The following RIC1 variants were observed in gnomAD, a reference collection of about 807,000 sequenced individuals.
RIC1 encodes the protein guanine nucleotide exchange factor subunit RIC1.
Under a neutral mutation model 169.0 loss-of-function variants are expected in RIC1, and 88 were observed. The observed-to-expected ratio is 0.52, with a 90% CI of 0.44 to 0.62. The LOEUF (loss-of-function observed/expected upper bound fraction) is 0.62. Ranked by LOEUF, RIC1 falls within the 20% of genes least tolerant of loss-of-function variation. RIC1 has a pLI of 0.00. For missense variants in RIC1, 1,877 were observed against 1,725.5 expected, an observed-to-expected ratio of 1.09 and a Z score of -1.56; for synonymous variants, 790 against 601.5, an observed-to-expected ratio of 1.31 and a Z score of -4.59.
intron 6 of RIC1, among the ~76,000 whole-genome samples, chr9:5,721,318 T>G (rs1823573427): frequency 6.6e-6 from 1 of 152,204 alleles, no homozygotes; most frequent in Non-Finnish European, 1.5e-5. Context: ...CAGGAAAGAT[T>G]AGGCATGCAG....
intron 2 of RIC1, among the ~76,000 whole-genome samples, chr9:5,681,414 C>T (rs1820832236): frequency 1.3e-5 from 2 of 150,936 alleles, no homozygotes; most frequent in Non-Finnish European, 3.0e-5. Context: ...CTTCATTTCG[C>T]AGGAGCAGGT....
intron 1 of RIC1, among the ~76,000 whole-genome samples, chr9:5,643,747 A>C (rs530951573): frequency 2.0e-5 from 3 of 152,338 alleles, no homozygotes; most frequent in East Asian, 3.9e-4. Flanking sequence ...CCTGCATTAA[A>C]GTGTTCCACC....
chr9:5,774,413 C>A lies in RIC1; in HGVS notation c.*167C>A. On this transcript the variant is annotated 3_prime_UTR_variant, in exon 26 of 26. Coordinates refer to ENST00000414202, the MANE Select transcript of RIC1 (RefSeq NM_020829.4). ...TCTTGTCTAAGAAATCTTTTTGACT[C>A]CATAAAAATGTGATATAAAGCATCT... 1 of 547,682 alleles carries A rather than the reference C, an allele frequency of 1.8e-6. No homozygotes were observed. The highest frequency in any genetic ancestry group is 3.0e-6 in the Non-Finnish European group (1 of 336,988). The allele number at this position is 547,682 out of a possible 1,614,324, so 33.9% of individuals were successfully genotyped here. A position where few individuals can be genotyped will look rare whatever the true frequency, so the allele number is the denominator to read the frequency against.
At chr9:5,736,386 A>C (rs919651308) in intron 7 of RIC1, among the ~76,000 whole-genome samples, 1 of 152,230 alleles carries the variant, frequency 6.6e-6, no homozygotes, top group Non-Finnish European at 1.5e-5. Context: ...CAGAACACAA[A>C]CATAAGGTAA....
intron 2 of RIC1, among the ~76,000 whole-genome samples, chr9:5,658,919 G>C (rs1209761138): frequency 6.7e-6 from 1 of 150,064 alleles, no homozygotes; most frequent in Non-Finnish European, 1.5e-5. Context: ...TTGGAAAATA[G>C]CTTTTGCTGT....
intron 1 of RIC1, among the ~76,000 whole-genome samples, chr9:5,655,410 C>T (rs141655273): frequency 0.013 from 2,028 of 152,204 alleles, 53 homozygotes; most frequent in African/African-American, 0.046. Flanking sequence ...AAGTGATTCT[C>T]CTGCCTCAGC....
intron 2 of RIC1, among the ~76,000 whole-genome samples, chr9:5,685,848 C>A (rs1419609418): frequency 3.7e-5 from 5 of 135,166 alleles, no homozygotes; most frequent in East Asian, 2.7e-4. Flanking sequence ...CAACCTACAA[C>A]ATGGGAGAAA....
intron 2 of RIC1, among the ~76,000 whole-genome samples, chr9:5,667,686 G>A (rs947571086): frequency 1.3e-5 from 2 of 151,852 alleles, no homozygotes; most frequent in Non-Finnish European, 2.9e-5. Flanking sequence ...TTTAATTTTT[G>A]TAGAGATGTG....
In RIC1 at chr9:5,743,740, A is replaced by G. The variant is rs1825213781; in HGVS notation, c.1095+3A>G. ...ATCCCCTTAAGATCAACTCTATGGT[A>G]AGTACTTTCTATAAAAAATTGGCAT... is the stretch of plus-strand genomic sequence containing the variant. On this transcript the variant is annotated splice_donor_region_variant and intron_variant, in intron 10 of 25. Transcript: ENST00000414202. 1 of 1,600,270 alleles carries G rather than the reference A, an allele frequency of 6.2e-7. No individual in the cohort carries two copies. Among genetic ancestry groups the G allele is most frequent in the South Asian group, 1.1e-5 (1 of 89,228 alleles).
At chr9:5,736,996 AAC>A (rs1463349124) in intron 7 of RIC1, among the ~76,000 whole-genome samples, 4 of 152,054 alleles carry the variant, frequency 2.6e-5, no homozygotes, top group Admixed American at 2.0e-4. Context: ...AAAAAAAAAA[AAC>A]AATCTGGTAG....
In RIC1 at chr9:5,765,484, A is replaced by T; in HGVS notation, c.2912A>T (p.Lys971Met). 1 of 1,614,198 alleles carries T rather than the reference A, an allele frequency of 6.2e-7. No homozygotes were observed. Among genetic ancestry groups the T allele is most frequent in the Admixed American group, 1.7e-5 (1 of 60,024 alleles). Reference protein sequence around the residue: ...LLFNTALEQGKWDLCRHMIRF... With the variant: ...LLFNTALEQGMWDLCRHMIRF... ...TTCAACACAGCACTAGAACAAGGCAAGTGGGACCTTTGTCGACACATGATT... is the reference window on the plus strand; with the variant it reads ...TTCAACACAGCACTAGAACAAGGCATGTGGGACCTTTGTCGACACATGATT... The change falls in exon 20 of 26, where the codon AAG becomes ATG. Residue 971 changes from lysine (K) to methionine (M), a missense_variant. Around this residue, in one of 3 missense-constraint regions of RIC1, gnomAD observed 681 missense variants for 582.0 expected, o/e 1.17. Coordinates refer to ENST00000414202, the MANE Select transcript of RIC1 (RefSeq NM_020829.4).
intron 21 of RIC1, 29 bp downstream of exon 21, chr9:5,765,827 T>C (rs371025508): frequency 9.9e-6 from 16 of 1,612,350 alleles, no homozygotes; most frequent in African/African-American, 1.3e-5. Flanking sequence ...ATTACTGCTT[T>C]TTGGGCATTC....
chr9:5,707,470 G>C (rs1399048127), intron 3 of RIC1, among the ~76,000 whole-genome samples: 2 of 151,976 alleles, frequency 1.3e-5, no homozygotes, highest in African/African-American at 4.8e-5. Context: ...GTGGGGTATT[G>C]AAGTCTCCAA....
At chr9:5,773,287 C>A (rs535380759) in intron 25 of RIC1, 1 of 207,218 alleles carries the variant, frequency 4.8e-6, no homozygotes, top group Non-Finnish European at 9.3e-6. Flanking sequence ...AGTAAGGTTA[C>A]ACTGTTGGTC....
chr9:5,686,544 G>T (rs900279966), intron 2 of RIC1, among the ~76,000 whole-genome samples: 7 of 147,804 alleles, frequency 4.7e-5, no homozygotes, highest in Non-Finnish European at 8.9e-5. Context: ...ACCAAACACC[G>T]CATATTCTCA....
At position 5,705,437 on chromosome 9, in the gene RIC1, G is replaced by A. The variant is rs996930640; in HGVS notation, c.333-8459G>A. Among the ~76,000 whole-genome samples, 7 of 152,100 alleles carry A rather than the reference G, an allele frequency of 4.6e-5. No homozygotes were observed. The South Asian group carries it at 8.3e-4, about 18-fold the overall frequency. ...GCTATTGTAAATGGAGTTGTTTTCT[G>A]AAATTTTTATTGCTAGCGTAGAGAA... is the stretch of plus-strand genomic sequence containing the variant. On this transcript the variant is annotated intron_variant, in intron 3 of 25. Coordinates refer to ENST00000414202, the MANE Select transcript of RIC1 (RefSeq NM_020829.4).
chr9:5,737,218 A>C lies in RIC1; in HGVS notation c.813-1232A>C, dbSNP rs931296554. 4.0e-5 allele frequency among the ~76,000 whole-genome samples: 6 copies of C among 151,452 alleles called. No individual in the cohort carries two copies. In the South Asian group the frequency reaches 1.2e-3, roughly 31 times the overall value. Reference sequence around the variant, plus strand: ...ACTTTTCTGTTATCCTCGTAGTTCAATTTTGAAATGTGGCTTAGACGTATT... The same window carrying C: ...ACTTTTCTGTTATCCTCGTAGTTCACTTTTGAAATGTGGCTTAGACGTATT... On this transcript the variant is annotated intron_variant, in intron 7 of 25. Transcript: ENST00000414202.
chr9:5,735,745 G>A (rs1383901632), intron 7 of RIC1, among the ~76,000 whole-genome samples: 2 of 152,182 alleles, frequency 1.3e-5, no homozygotes, highest in Non-Finnish European at 2.9e-5. Flanking sequence ...GTTTGCAGCA[G>A]ATCAGTATTT....
intron 1 of RIC1, among the ~76,000 whole-genome samples, chr9:5,652,602 G>A (rs1192104839): frequency 6.6e-6 from 1 of 151,768 alleles, no homozygotes; most frequent in Non-Finnish European, 1.5e-5. Context: ...TTTTTTGGTG[G>A]CATCTTTAGG....
Sources: allele counts gnomAD v4.1 joint callset (sites outside exome capture counted in the v4.1 genomes callset), GRCh38; gene constraint gnomAD v4.1.1; regional missense constraint gnomAD v4.1.1; transcripts MANE v1.5; gene names NCBI Gene and HGNC (gene_info 2026-07-23, HGNC 2026-07-21).